The following RAB11FIP3 variants were observed in gnomAD, a reference collection of about 807,000 sequenced individuals.
RAB11FIP3 encodes rab11 family-interacting protein 3.
RAB11FIP3 carries 17 observed loss-of-function variants against 77.8 expected under a neutral mutation model. The ratio of observed to expected loss-of-function variants is 0.22; its 90% CI spans 0.15 to 0.33. The LOEUF (loss-of-function observed/expected upper bound fraction) is 0.33, where lower values mean the gene tolerates loss of function less well. Ranked by LOEUF, RAB11FIP3 falls within the 10% of genes least tolerant of loss-of-function variation. The pLI is 1.00. For missense variants in RAB11FIP3, 1,005 were observed against 1,011.2 expected (o/e 0.99, Z 0.08); for synonymous variants, 437 against 448.2 (o/e 0.98, Z 0.31).
intron 9 of RAB11FIP3, among the ~76,000 whole-genome samples, chr16:517,201 C>T (rs1232096851): frequency 6.6e-6 from 1 of 152,168 alleles, no homozygotes; most frequent in Non-Finnish European, 1.5e-5. Context: ...CCATGACAGG[C>T]CTGCTCGACA....
At chr16:444,896 C>G (rs953203920) in intron 1 of RAB11FIP3, among the ~76,000 whole-genome samples, 7 of 151,724 alleles carry the variant, frequency 4.6e-5, no homozygotes, top group African/African-American at 1.5e-4. Flanking sequence ...AGGTGGAATA[C>G]GAAGTCAGGG....
chr16:465,798 T>A (rs2055692553), intron 2 of RAB11FIP3, among the ~76,000 whole-genome samples: 1 of 151,896 alleles, frequency 6.6e-6, no homozygotes, highest in African/African-American at 2.4e-5. Context: ...AGAGATGGGG[T>A]TTTGCCATGT....
intron 9 of RAB11FIP3, among the ~76,000 whole-genome samples, chr16:518,251 G>T (rs778680984): frequency 2.0e-5 from 3 of 152,118 alleles, no homozygotes; most frequent in Admixed American, 6.5e-5. Context: ...GCTAATTTTT[G>T]TATTTTTTTA....
intron 6 of RAB11FIP3, among the ~76,000 whole-genome samples, chr16:498,297 C>T (rs2031287490): frequency 6.6e-6 from 1 of 152,198 alleles, no homozygotes; most frequent in South Asian, 2.1e-4. Context: ...CCTCCTCCTC[C>T]TGAGGACCTG....
At chr16:437,820 T>A (rs1470076387) in intron 1 of RAB11FIP3, among the ~76,000 whole-genome samples, 1 of 152,196 alleles carries the variant, frequency 6.6e-6, no homozygotes, top group Non-Finnish European at 1.5e-5. Flanking sequence ...TGAGACAGTG[T>A]CTCGCTCTGT....
intron 1 of RAB11FIP3, among the ~76,000 whole-genome samples, chr16:432,412 T>C (rs1283807326): frequency 6.6e-6 from 1 of 151,846 alleles, no homozygotes; most frequent in African/African-American, 2.4e-5. Flanking sequence ...GTAGGTAAAA[T>C]ACTAGTAGAT....
intron 1 of RAB11FIP3, among the ~76,000 whole-genome samples, chr16:444,059 TGTG>T (rs1244536502): frequency 3.3e-5 from 5 of 152,174 alleles, no homozygotes; most frequent in African/African-American, 1.2e-4. Flanking sequence ...GTGTCTGTGT[TGTG>T]GTGTGGGTGT....
At position 503,739 on chromosome 16, in the gene RAB11FIP3, G is replaced by A. The variant is rs1463413002; in HGVS notation, c.1395+642G>A. ...TACTAAAAATACAAAAGTTAGCCACGCATGGTGGCGGGCAACTGTAATCCC... is the reference window on the plus strand; with the variant it reads ...TACTAAAAATACAAAAGTTAGCCACACATGGTGGCGGGCAACTGTAATCCC... On this transcript the variant is annotated intron_variant, in intron 7 of 13. Coordinates refer to ENST00000262305, the MANE Select transcript of RAB11FIP3 (RefSeq NM_014700.4). Among the ~76,000 whole-genome samples, 5 of 152,144 alleles carry A rather than the reference G, an allele frequency of 3.3e-5. No homozygotes were observed. In the East Asian group the frequency reaches 7.7e-4, roughly 23 times the overall value.
chr16:427,244 G>A lies in RAB11FIP3; in HGVS notation c.714+524G>A, dbSNP rs532872968. On this transcript the variant is annotated intron_variant, in intron 1 of 13. Transcript: ENST00000262305. The stretch of plus-strand genomic sequence containing the variant: ...GTGTGGTTGACATCTTTTCTACTTA[G>A]ATTTCATCTTTTATTTGGGAGACAG... Among the ~76,000 whole-genome samples the A allele has an allele frequency of 9.8e-5, 15 of 152,362 alleles. No individual in the cohort carries two copies. In the South Asian group the frequency reaches 3.1e-3, roughly 32 times the overall value.
rs749978825 is a variant in RAB11FIP3 at position 510,708 on chromosome 16, C to T, written c.1548C>T (p.Cys516=). Residue 516 remains cysteine, a synonymous_variant, in exon 9 of 14, where the codon TGC becomes TGT. Coordinates refer to ENST00000262305, the MANE Select transcript of RAB11FIP3 (RefSeq NM_014700.4). ...TGAAGGAGCAGGAGCTGAGAGCCTG[C>T]GAGATGGTCCTGGAAGAGACCCGGC... ...EQLKEQELRA[C]EMVLEETRRQ... The T allele has an allele frequency of 1.6e-5, 26 of 1,612,624 alleles. No homozygotes were observed. The highest frequency in any genetic ancestry group is 6.6e-5 in the South Asian group (6 of 90,998).
intron 3 of RAB11FIP3, among the ~76,000 whole-genome samples, chr16:476,407 A>G (rs2055908373): frequency 6.6e-6 from 1 of 152,158 alleles, no homozygotes; most frequent in Non-Finnish European, 1.5e-5. Context: ...TACAGGTCTA[A>G]CAGGAACTTG....
At chr16:469,636 C>T (rs1032340312) in intron 2 of RAB11FIP3, among the ~76,000 whole-genome samples, 3 of 152,012 alleles carry the variant, frequency 2.0e-5, no homozygotes, top group East Asian at 1.9e-4. Context: ...GTGATCCGCC[C>T]GCCTCGGCCT....
At chr16:438,947 A>G (rs1025881536) in intron 1 of RAB11FIP3, among the ~76,000 whole-genome samples, 1 of 152,146 alleles carries the variant, frequency 6.6e-6, no homozygotes, top group African/African-American at 2.4e-5. Context: ...CTTGGCACCC[A>G]AAGTGCTGGG....
At chr16:520,361 A>G in intron 12 of RAB11FIP3, 84 bp downstream of exon 12, 1 of 1,582,494 alleles carries the variant, frequency 6.3e-7, no homozygotes, top group Non-Finnish European at 8.6e-7. Flanking sequence ...GTGGAGGGTC[A>G]GCATCTGAGC....
At chr16:518,826 G>T (rs565236782) in intron 9 of RAB11FIP3, 117 bp from the exon 10 acceptor site, 2 of 945,918 alleles carry the variant, frequency 2.1e-6, no homozygotes, top group South Asian at 2.9e-5. Flanking sequence ...CTGGTCGTTT[G>T]GGGGCGTCTG....
intron 4 of RAB11FIP3, 94 bp downstream of exon 4, chr16:482,830 G>C (rs902856764): frequency 1.5e-6 from 2 of 1,313,944 alleles, no homozygotes; most frequent in African/African-American, 1.5e-5. Flanking sequence ...GGAGGAGTGC[G>C]TGCTGGTTAG....
intron 6 of RAB11FIP3, among the ~76,000 whole-genome samples, chr16:500,196 C>T (rs1024928463): frequency 2.0e-5 from 3 of 152,222 alleles, no homozygotes; most frequent in African/African-American, 7.2e-5. Flanking sequence ...AGGAAGTGCT[C>T]ACAGCAGGCA....
intron 9 of RAB11FIP3, among the ~76,000 whole-genome samples, chr16:515,753 C>T (rs1272614467): frequency 4.6e-5 from 7 of 151,878 alleles, no homozygotes; most frequent in Non-Finnish European, 1.0e-4. Context: ...GTTTGCATCT[C>T]GGAACAGCCA....
At chr16:430,563 C>T (rs906306517) in intron 1 of RAB11FIP3, among the ~76,000 whole-genome samples, 7 of 152,112 alleles carry the variant, frequency 4.6e-5, no homozygotes, top group South Asian at 2.1e-4. Context: ...CCTTTTTGTT[C>T]GTTTGTTTTG....
Sources: gnomAD v4.1 joint callset for allele counts (sites outside exome capture counted in the v4.1 genomes callset) on GRCh38, gnomAD v4.1.1 for gene constraint, MANE v1.5 for transcripts, NCBI Gene and HGNC (gene_info 2026-07-23, HGNC 2026-07-21) for gene names.